The following DNAJC6 variants were observed in gnomAD, a reference collection of about 807,000 sequenced individuals.
DNAJC6 encodes the protein DnaJ heat shock protein family (Hsp40) member C6.
DNAJC6 carries 34 observed loss-of-function variants against 110.0 expected under a neutral mutation model. The observed-to-expected ratio is 0.31, with a 90% CI of 0.24 to 0.41. DNAJC6 has a LOEUF of 0.41. DNAJC6 is among the 10% of genes least tolerant of loss of function. DNAJC6 has a pLI of 1.00. For missense variants in DNAJC6, 1,031 were observed against 1,207.8 expected, an observed-to-expected ratio of 0.85 and a Z score of 2.17; for synonymous variants, 406 against 437.2, an observed-to-expected ratio of 0.93 and a Z score of 0.89.
Position 65,294,225 on chromosome 1 carries a change from A to G in DNAJC6, c.-131+29293A>G, listed in dbSNP as rs1455478236. On this transcript the variant is annotated intron_variant, in intron 1 of 19. Coordinates refer to the DNAJC6 transcript ENST00000263441. ...CCTTGTACCTATTGCCCACCAATCC[A>G]GTCTTTCCATTTTATAGGTGAAGTC... Among the ~76,000 whole-genome samples, 4 of 152,222 alleles carry G rather than the reference A, an allele frequency of 2.6e-5. No individual in the cohort carries two copies. In the South Asian group the frequency reaches 8.3e-4, roughly 31 times the overall value.
At chr1:65,380,921 G>GTTTTTTTTTTTTTTTTTTTTTTTTTTTT (rs1162044500) in intron 5 of DNAJC6, among the ~76,000 whole-genome samples, 1 of 99,328 alleles carries the variant, frequency 1.0e-5, no homozygotes, top group African/African-American at 5.4e-5. Flanking sequence ...GTTTTGTTTT[G>GTTTTTTTTTTTTTTTTTTTTTTTTTTTT]TTTTTTTTTT....
intron 1 of DNAJC6, among the ~76,000 whole-genome samples, chr1:65,293,562 A>AGT (rs921342647): frequency 5.3e-5 from 8 of 152,172 alleles, no homozygotes; most frequent in Non-Finnish European, 1.2e-4. Context: ...GGAGTGAAGA[A>AGT]GTGTACCCTA....
chr1:65,318,875 A>G (rs556219080), intron 1 of DNAJC6, among the ~76,000 whole-genome samples: 1 of 152,330 alleles, frequency 6.6e-6, no homozygotes, highest in African/African-American at 2.4e-5. Flanking sequence ...TGAAGGAAAA[A>G]AAGGAAAAGA....
At chr1:65,324,907 G>C (rs1570279440) in intron 1 of DNAJC6, among the ~76,000 whole-genome samples, 2 of 152,180 alleles carry the variant, frequency 1.3e-5, no homozygotes, top group African/African-American at 2.4e-5. Flanking sequence ...AATGTCAATA[G>C]TGCCGAGGTA....
intron 1 of DNAJC6, among the ~76,000 whole-genome samples, chr1:65,361,895 GAT>G (rs1238287975): frequency 6.6e-6 from 1 of 152,106 alleles, no homozygotes; most frequent in African/African-American, 2.4e-5. Context: ...TGGGGTAATT[GAT>G]ACACACATTA....
intron 15 of DNAJC6, among the ~76,000 whole-genome samples, chr1:65,403,684 T>A (rs1646049533): frequency 6.6e-6 from 1 of 152,244 alleles, no homozygotes; most frequent in South Asian, 2.1e-4. Context: ...ACTGCTTTGC[T>A]TTTAATGAGG....
rs554197826 is a variant in DNAJC6 at position 65,314,203 on chromosome 1, T to C, written c.193+4265T>C. Among the ~76,000 whole-genome samples, 43 of 151,464 alleles carry C rather than the reference T, an allele frequency of 2.8e-4. No individual in the cohort carries two copies. In the South Asian group the frequency reaches 5.0e-3, roughly 18 times the overall value. ...ATATAAATAAACAAAATATTGTATA[T>C]ATTAAAAAAAAAGAATAAGGATAAT... On this transcript the variant is annotated intron_variant, in intron 1 of 18. Coordinates refer to ENST00000371069, the MANE Select transcript of DNAJC6 (RefSeq NM_001256864.2).
chr1:65,345,646 A>C, intron 1 of DNAJC6: 6 of 979,830 alleles, frequency 6.1e-6, no homozygotes, highest in Non-Finnish European at 7.2e-6. Flanking sequence ...TTTTGGGAAA[A>C]GTAACACGTG....
intron 1 of DNAJC6, among the ~76,000 whole-genome samples, chr1:65,287,978 T>G (rs773864859): frequency 6.6e-6 from 1 of 152,194 alleles, no homozygotes; most frequent in Non-Finnish European, 1.5e-5. Flanking sequence ...GCACTGAGAA[T>G]GTAAATGCTT....
chr1:65,401,955 TTACAGCAAGCTGG>T, intron 15 of DNAJC6, 75 bp downstream of exon 15: 2 of 1,582,734 alleles, frequency 1.3e-6, no homozygotes, highest in Non-Finnish European at 1.7e-6. Context: ...GTCTTTGGTG[TTACAGCAAGCTGG>T]TATTGTCACC....
intron 1 of DNAJC6, among the ~76,000 whole-genome samples, chr1:65,320,719 G>A (rs1159815616): frequency 6.6e-6 from 1 of 152,180 alleles, no homozygotes; most frequent in Non-Finnish European, 1.5e-5. Flanking sequence ...TATAGTGCAT[G>A]AGCAGTGAAC....
intron 5 of DNAJC6, among the ~76,000 whole-genome samples, chr1:65,382,422 C>G (rs1355267079): frequency 3.9e-5 from 6 of 152,116 alleles, no homozygotes. Flanking sequence ...TAATCAACAA[C>G]TTTGATGAAG....
rs74080547 is a variant in DNAJC6 at position 65,341,535 on chromosome 1, G to C, written c.194-23100G>C. Among the ~76,000 whole-genome samples the C allele has an allele frequency of 6.1e-3, 932 of 152,208 alleles. 9 individuals are homozygous for C. The highest frequency in any genetic ancestry group is 0.02 in the African/African-American group (843 of 41,528). ...GTCCATAGTCTTCTCAAAGAAAAAA[G>C]GCTGTGACCCTGGGTTTGTCAGCAC... On this transcript the variant is annotated intron_variant, in intron 1 of 18. Transcript: ENST00000371069.
chr1:65,379,576 A>G, intron 5 of DNAJC6, 52 bp downstream of exon 5: 1 of 1,607,650 alleles, frequency 6.2e-7, no homozygotes, highest in East Asian at 2.2e-5. Flanking sequence ...TCAAATATGG[A>G]TGAGCCTGTA....
chr1:65,290,484 T>C (rs1461284381), intron 1 of DNAJC6, among the ~76,000 whole-genome samples: 1 of 152,230 alleles, frequency 6.6e-6, no homozygotes, highest in African/African-American at 2.4e-5. Context: ...TTTTAGAGTA[T>C]ATTGATTTTT....
intron 1 of DNAJC6, among the ~76,000 whole-genome samples, chr1:65,325,949 C>A (rs1458300603): frequency 6.6e-6 from 1 of 152,184 alleles, no homozygotes; most frequent in East Asian, 1.9e-4. Flanking sequence ...TAATGCACTG[C>A]ACTAAGATGT....
intron 1 of DNAJC6, among the ~76,000 whole-genome samples, chr1:65,316,019 A>G (rs916386203): frequency 6.6e-6 from 1 of 152,260 alleles, no homozygotes; most frequent in Non-Finnish European, 1.5e-5. Flanking sequence ...CAAAAACAGC[A>G]TTGAATAAAG....
intron 6 of DNAJC6, among the ~76,000 whole-genome samples, chr1:65,384,554 G>A (rs960075587): frequency 2.0e-5 from 3 of 152,210 alleles, no homozygotes; most frequent in Non-Finnish European, 2.9e-5. Context: ...CAATCATGGT[G>A]GAAGGGGAAG....
chr1:65,321,039 C>T (rs933680117), intron 1 of DNAJC6, among the ~76,000 whole-genome samples: 2 of 152,130 alleles, frequency 1.3e-5, no homozygotes, highest in Non-Finnish European at 2.9e-5. Flanking sequence ...GGCATGGCCA[C>T]AAATGAGGTT....
Sources: gnomAD v4.1 joint callset for allele counts (sites outside exome capture counted in the v4.1 genomes callset) on GRCh38, gnomAD v4.1.1 for gene constraint, MANE v1.5 for transcripts, NCBI Gene and HGNC (gene_info 2026-07-23, HGNC 2026-07-21) for gene names.